Variants in SNCAIP observed in about 807,000 individuals in gnomAD.
SNCAIP encodes synphilin-1.
In SNCAIP, 43 loss-of-function variants were observed where a neutral mutation model predicts 86.7. The ratio of observed to expected loss-of-function variants is 0.50; its 90% CI spans 0.39 to 0.64. The LOEUF (loss-of-function observed/expected upper bound fraction) is 0.64, where lower values mean the gene tolerates loss of function less well. SNCAIP is among the 30% of genes least tolerant of loss of function. The probability of loss-of-function intolerance (pLI) is 0.00; values close to 1 mark genes in which losing one functional copy is unlikely to be tolerated. For missense variants in SNCAIP, 981 were observed against 1,103.1 expected (o/e 0.89, Z 1.57); for synonymous variants, 417 against 427.2 (o/e 0.98, Z 0.29).
At chr5:122,448,660 A>ATATTATATATTATATATG (rs1561796625) in intron 8 of SNCAIP, among the ~76,000 whole-genome samples, 1 of 133,612 alleles carries the variant, frequency 7.5e-6, no homozygotes, top group Non-Finnish European at 1.5e-5. Context: ...TTTTATATAT[A>ATATTATATATTATATATG]TTATATATAT....
chr5:122,461,897 G>A (rs1179235340), intron 10 of SNCAIP, among the ~76,000 whole-genome samples: 1 of 152,108 alleles, frequency 6.6e-6, no homozygotes, highest in East Asian at 1.9e-4. Context: ...TCGAACTCCT[G>A]ACCTCAACTG....
chr5:122,444,355 C>A (rs1781812335), intron 7 of SNCAIP: 1 of 617,872 alleles, frequency 1.6e-6, no homozygotes, highest in Admixed American at 2.3e-5. Context: ...TCCTTCCCAG[C>A]CCCCTCCTTA....
chr5:122,319,169 A>T (rs2152662276), intron 1 of SNCAIP, among the ~76,000 whole-genome samples: 1 of 151,830 alleles, frequency 6.6e-6, no homozygotes, highest in South Asian at 2.1e-4. Context: ...TTATTCTAAG[A>T]TGAGTAACCA....
intron 2 of SNCAIP, among the ~76,000 whole-genome samples, chr5:122,398,941 G>A (rs1408009235): frequency 6.6e-6 from 1 of 152,076 alleles, no homozygotes; most frequent in Non-Finnish European, 1.5e-5. Flanking sequence ...GGCGTAGGCT[G>A]GGATGTATAG....
chr5:122,330,709 C>G (rs1261722680), intron 1 of SNCAIP, among the ~76,000 whole-genome samples: 1 of 152,050 alleles, frequency 6.6e-6, no homozygotes, highest in Non-Finnish European at 1.5e-5. Flanking sequence ...CTTTTTGGCA[C>G]CAGGGACTGG....
At chr5:122,341,797 T>C (rs1241942228) in intron 1 of SNCAIP, among the ~76,000 whole-genome samples, 1 of 152,082 alleles carries the variant, frequency 6.6e-6, no homozygotes, top group African/African-American at 2.4e-5. Context: ...CCTGCAAATG[T>C]TGGATAGGAG....
intron 3 of SNCAIP, among the ~76,000 whole-genome samples, chr5:122,406,575 C>T (rs988289567): frequency 1.5e-4 from 23 of 152,094 alleles, no homozygotes; most frequent in African/African-American, 4.8e-5. Flanking sequence ...AATGGTTTAG[C>T]GCCATCTCCT....
intron 1 of SNCAIP, among the ~76,000 whole-genome samples, chr5:122,325,127 G>A (rs1448061415): frequency 5.9e-5 from 9 of 151,960 alleles, no homozygotes; most frequent in African/African-American, 1.2e-4. Flanking sequence ...ATTTCTTCAA[G>A]GCAAGTTTGG....
chr5:122,457,888 C>T (rs2153027446), intron 10 of SNCAIP, among the ~76,000 whole-genome samples: 1 of 152,258 alleles, frequency 6.6e-6, no homozygotes, highest in African/African-American at 2.4e-5. Flanking sequence ...GCCAATAAGG[C>T]AGAGTCTTGT....
intron 2 of SNCAIP, among the ~76,000 whole-genome samples, chr5:122,397,065 C>T (rs1770768773): frequency 6.6e-6 from 1 of 152,030 alleles, no homozygotes; most frequent in South Asian, 2.1e-4. Context: ...CATAATCTTC[C>T]CGGACACACC....
At chr5:122,346,444 C>T (rs1016668586) in intron 1 of SNCAIP, among the ~76,000 whole-genome samples, 7 of 152,072 alleles carry the variant, frequency 4.6e-5, no homozygotes, top group Non-Finnish European at 8.8e-5. Flanking sequence ...AGTATATTAA[C>T]ATCACTAAAT....
At chr5:122,347,940 T>C (rs1208353473) in intron 1 of SNCAIP, among the ~76,000 whole-genome samples, 2 of 152,144 alleles carry the variant, frequency 1.3e-5, no homozygotes, top group African/African-American at 4.8e-5. Context: ...TCCCATTTTT[T>C]TGTTGGCCTT....
intron 1 of SNCAIP, among the ~76,000 whole-genome samples, chr5:122,359,710 T>C (rs951683831): frequency 3.9e-5 from 6 of 152,160 alleles, no homozygotes; most frequent in Non-Finnish European, 5.9e-5. Flanking sequence ...TCAGATTCAC[T>C]ATGCCTCACT....
At position 122,406,723 on chromosome 5, in the gene SNCAIP, G is replaced by A. The variant is rs61471167; in HGVS notation, c.130+2858G>A. Among the ~76,000 whole-genome samples, 842 of 152,214 alleles carry A rather than the reference G, an allele frequency of 5.5e-3. 11 individuals carry two copies. Among genetic ancestry groups the A allele is most frequent in the African/African-American group, 0.019 (793 of 41,524 alleles). ...TCCCCCTTTGCCGTCTGCCATAATT[G>A]GAAGCTTCCTGAGGCTGTCGCAGAA... On this transcript the variant is annotated intron_variant, in intron 3 of 10. Coordinates refer to ENST00000261368, the MANE Select transcript of SNCAIP (RefSeq NM_005460.4).
intron 10 of SNCAIP, chr5:122,454,354 T>A (rs1165584158): frequency 1.3e-5 from 2 of 152,708 alleles, no homozygotes; most frequent in Non-Finnish European, 2.9e-5. Context: ...GGCTCATTAA[T>A]TCAGTATGTT....
intron 1 of SNCAIP, among the ~76,000 whole-genome samples, chr5:122,358,281 G>A (rs1274147148): frequency 4.0e-5 from 6 of 150,352 alleles, no homozygotes; most frequent in African/African-American, 1.5e-4. Flanking sequence ...ATGTATACAT[G>A]TGCCATGTTG....
chr5:122,453,681 G>A (rs547813219), intron 10 of SNCAIP, among the ~76,000 whole-genome samples: 5 of 152,162 alleles, frequency 3.3e-5, no homozygotes, highest in South Asian at 4.1e-4. Flanking sequence ...TCATCTCCCT[G>A]TGGGATGAAA....
chr5:122,354,283 A>G (rs17149088), intron 1 of SNCAIP, among the ~76,000 whole-genome samples: 3,245 of 152,252 alleles, frequency 0.021, 138 homozygotes, highest in African/African-American at 0.072. Flanking sequence ...TACTTGTTGC[A>G]TGTTTCATTG....
At chr5:122,337,374 T>A in intron 1 of SNCAIP, among the ~76,000 whole-genome samples, 1 of 152,178 alleles carries the variant, frequency 6.6e-6, no homozygotes, top group East Asian at 1.9e-4. Flanking sequence ...TAAATGAGAA[T>A]AACTTCCAAG....
Sources: allele counts gnomAD v4.1 joint callset (sites outside exome capture counted in the v4.1 genomes callset), GRCh38; gene constraint gnomAD v4.1.1; transcripts MANE v1.5; gene names NCBI Gene and HGNC (gene_info 2026-07-23, HGNC 2026-07-21).